LSAMP: variants seen among roughly 807,000 people sequenced by gnomAD.
LSAMP encodes the protein limbic system-associated membrane protein.
Under a neutral mutation model 38.6 loss-of-function variants are expected in LSAMP, and 7 were observed. The ratio of observed to expected loss-of-function variants is 0.18; its 90% CI spans 0.10 to 0.34. LSAMP has a LOEUF of 0.34. Among genes scored for constraint, LSAMP ranks in the 10% least tolerant of loss-of-function variants. The pLI is 1.00. For synonymous variants in LSAMP, 154 were observed against 166.8 expected (o/e 0.92, Z 0.59); for missense variants, 313 against 420.0 (o/e 0.75, Z 2.23).
chr3:115,967,241 A>G (rs933542995), intron 3 of LSAMP, among the ~76,000 whole-genome samples: 1 of 152,120 alleles, frequency 6.6e-6, no homozygotes, highest in African/African-American at 2.4e-5. Flanking sequence ...CTCAAGTTCA[A>G]AGTTCCACAA....
intron 1 of LSAMP, among the ~76,000 whole-genome samples, chr3:116,106,901 TGAG>T (rs1708480795): frequency 6.6e-6 from 1 of 152,056 alleles, no homozygotes; most frequent in Non-Finnish European, 1.5e-5. Context: ...GAATAATCCT[TGAG>T]GAGTAGTAGA....
chr3:116,195,649 A>G (rs947106495), intron 1 of LSAMP, among the ~76,000 whole-genome samples: 1 of 152,086 alleles, frequency 6.6e-6, no homozygotes, highest in East Asian at 1.9e-4. Context: ...GTAAAGATGG[A>G]AGCCCAAAAG....
intron 3 of LSAMP, among the ~76,000 whole-genome samples, chr3:115,984,329 C>T (rs1388794133): frequency 6.6e-6 from 1 of 151,994 alleles, no homozygotes; most frequent in East Asian, 1.9e-4. Flanking sequence ...TAGAGATTTC[C>T]TTCAAAGAGT....
chr3:116,045,525 C>A (rs2107724697), intron 2 of LSAMP, among the ~76,000 whole-genome samples: 2 of 109,888 alleles, frequency 1.8e-5, no homozygotes, highest in East Asian at 2.6e-4. Context: ...AAATATTTTT[C>A]ATTGGGTGGA....
intron 4 of LSAMP, among the ~76,000 whole-genome samples, chr3:115,842,989 T>A (rs1285447911): frequency 6.6e-6 from 1 of 152,254 alleles, no homozygotes; most frequent in Non-Finnish European, 1.5e-5. Flanking sequence ...TTTTTCTTCT[T>A]GTCATTATAG....
intron 1 of LSAMP, among the ~76,000 whole-genome samples, chr3:116,166,853 C>G (rs1371839834): frequency 6.9e-6 from 1 of 144,670 alleles, no homozygotes; most frequent in Non-Finnish European, 1.5e-5. Context: ...TGCAGTGGCG[C>G]GATCTCAGCT....
chr3:115,848,047 T>TAATA (rs1935215398), intron 4 of LSAMP, among the ~76,000 whole-genome samples: 1 of 121,796 alleles, frequency 8.2e-6, no homozygotes, highest in African/African-American at 3.6e-5. Context: ...CATAATAGAT[T>TAATA]CATATTAGGA....
intron 1 of LSAMP, among the ~76,000 whole-genome samples, chr3:116,379,355 G>A (rs970842730): frequency 3.9e-5 from 6 of 151,970 alleles, no homozygotes; most frequent in Admixed American, 3.3e-4. Flanking sequence ...GAAGAATCAC[G>A]ACTCTTAGAG....
At chr3:116,311,188 C>A (rs13089283) in intron 1 of LSAMP, among the ~76,000 whole-genome samples, 11,465 of 152,074 alleles carry the variant, frequency 0.075, 613 homozygotes, top group African/African-American at 0.15. Context: ...TAAAGATAAC[C>A]TCAAACAGCC....
At chr3:116,123,122 A>G (rs143473769) in intron 1 of LSAMP, among the ~76,000 whole-genome samples, 1 of 152,342 alleles carries the variant, frequency 6.6e-6, no homozygotes, top group African/African-American at 2.4e-5. Flanking sequence ...AATATCAATA[A>G]TAGGAAACCA....
intron 3 of LSAMP, among the ~76,000 whole-genome samples, chr3:115,946,224 A>C (rs547879769): frequency 6.6e-6 from 1 of 152,296 alleles, no homozygotes; most frequent in South Asian, 2.1e-4. Context: ...AATCATACAA[A>C]CTGAGAGTAG....
rs1166890059 is a variant in LSAMP at position 116,234,793 on chromosome 3, A to AT, written c.156-148238dup. Among the ~76,000 whole-genome samples the AT allele has an allele frequency of 2.6e-5, 4 of 151,954 alleles. No individual in the cohort carries two copies. In the East Asian group the frequency reaches 5.8e-4, roughly 22 times the overall value. ...TAATTGAAACAGCTAATTTTTACAG[A>AT]TTTTTTTTCTATTACTTAAATTCTG... On this transcript the variant is annotated intron_variant, in intron 1 of 6. Coordinates refer to ENST00000490035, the MANE Select transcript of LSAMP (RefSeq NM_002338.5).
chr3:116,233,484 T>C (rs1435164017), intron 1 of LSAMP, among the ~76,000 whole-genome samples: 1 of 150,604 alleles, frequency 6.6e-6, no homozygotes, highest in Non-Finnish European at 1.5e-5. Flanking sequence ...TTTGGGACAT[T>C]CAATTCCACT....
chr3:116,302,340 T>C (rs1272624357), intron 1 of LSAMP, among the ~76,000 whole-genome samples: 1 of 152,206 alleles, frequency 6.6e-6, no homozygotes, highest in African/African-American at 2.4e-5. Flanking sequence ...TCATTTTACC[T>C]GTTTCTCTTT....
At chr3:115,829,993 A>C (rs902634008) in intron 6 of LSAMP, among the ~76,000 whole-genome samples, 4 of 152,158 alleles carry the variant, frequency 2.6e-5, no homozygotes, top group Non-Finnish European at 5.9e-5. Context: ...GCCTTCTAGG[A>C]ACTTGAAGCT....
rs537814854 is a variant in LSAMP at position 115,869,370 on chromosome 3, G to C, written c.515-16753C>G. Among the ~76,000 whole-genome samples the C allele has an allele frequency of 2.0e-5, 3 of 151,236 alleles. No individual in the cohort carries two copies. In the East Asian group the frequency reaches 5.9e-4, roughly 30 times the overall value. ...GGCTCTCCCTTTGAAATCTCTACTT[G>C]ATGAGTACCAGCAATTTGGAGTAAA... On this transcript the variant is annotated intron_variant, in intron 3 of 6. Transcript: ENST00000490035.
At chr3:115,885,897 T>C (rs564435402) in intron 3 of LSAMP, among the ~76,000 whole-genome samples, 1 of 152,064 alleles carries the variant, frequency 6.6e-6, no homozygotes, top group African/African-American at 2.4e-5. Flanking sequence ...ACTTGACCTC[T>C]TAAAGCACTG....
intron 1 of LSAMP, among the ~76,000 whole-genome samples, chr3:116,174,941 G>T (rs1710300618): frequency 1.3e-5 from 2 of 151,910 alleles, no homozygotes; most frequent in African/African-American, 4.8e-5. Context: ...ATTCTTTTGT[G>T]TCTCACTTTT....
intron 1 of LSAMP, among the ~76,000 whole-genome samples, chr3:116,183,071 T>G (rs1031877471): frequency 2.0e-5 from 3 of 151,816 alleles, no homozygotes; most frequent in Non-Finnish European, 3.0e-5. Context: ...GATTTTGACT[T>G]TAGGCATATG....
Sources: gnomAD v4.1 joint callset for allele counts (sites outside exome capture counted in the v4.1 genomes callset) on GRCh38, gnomAD v4.1.1 for gene constraint, MANE v1.5 for transcripts, NCBI Gene and HGNC (gene_info 2026-07-23, HGNC 2026-07-21) for gene names.